The following SLC16A7 variants were observed in gnomAD, a reference collection of about 807,000 sequenced individuals.
SLC16A7 encodes solute carrier family 16 member 7.
In SLC16A7, 33 loss-of-function variants were observed where a neutral mutation model predicts 34.9. The ratio of observed to expected loss-of-function variants is 0.94; its 90% CI spans 0.72 to 1.26. The LOEUF is 1.26. SLC16A7 is among the 50% of genes most tolerant of loss of function. The probability of loss-of-function intolerance (pLI) is 0.00; values close to 1 mark genes in which losing one functional copy is unlikely to be tolerated. For synonymous variants in SLC16A7, 201 were observed against 206.6 expected, an observed-to-expected ratio of 0.97 and a Z score of 0.23; for missense variants, 573 against 578.1, an observed-to-expected ratio of 0.99 and a Z score of 0.09.
intron 2 of SLC16A7, among the ~76,000 whole-genome samples, chr12:59,681,259 T>G (rs1228774522): frequency 6.6e-6 from 1 of 152,236 alleles, no homozygotes; most frequent in Non-Finnish European, 1.5e-5. Flanking sequence ...GACAAGTGTA[T>G]GTACCATGTC....
chr12:59,703,796 T>C (rs749962038), intron 2 of SLC16A7, among the ~76,000 whole-genome samples: 2 of 152,130 alleles, frequency 1.3e-5, no homozygotes, highest in Non-Finnish European at 2.9e-5. Context: ...AGAAAAGTGG[T>C]AACTCTATGA....
intron 3 of SLC16A7, chr12:59,720,228 A>C: frequency 3.7e-6 from 2 of 538,042 alleles, no homozygotes; most frequent in Non-Finnish European, 6.5e-6. Flanking sequence ...TTATGTATTT[A>C]TAGTTGACTA....
At chr12:59,640,794 T>C (rs1190925573) in intron 1 of SLC16A7, among the ~76,000 whole-genome samples, 4 of 152,064 alleles carry the variant, frequency 2.6e-5, no homozygotes, top group Admixed American at 6.6e-5. Flanking sequence ...AAGAGTCTGA[T>C]ATTCTAAATG....
intron 2 of SLC16A7, among the ~76,000 whole-genome samples, chr12:59,701,558 AT>A (rs1395486806): frequency 1.3e-5 from 2 of 151,790 alleles, no homozygotes; most frequent in East Asian, 3.9e-4. Flanking sequence ...AGTTCAAATT[AT>A]TTTAATATAA....
At chr12:59,623,348 T>C (rs1352537140) in intron 1 of SLC16A7, among the ~76,000 whole-genome samples, 1 of 151,742 alleles carries the variant, frequency 6.6e-6, no homozygotes, top group Non-Finnish European at 1.5e-5. Context: ...GAGTTTTCTC[T>C]GCATTTAAAT....
At chr12:59,763,953 A>G (rs1248652413) in intron 3 of SLC16A7, 2 of 152,128 alleles carry the variant, frequency 1.3e-5, no homozygotes, top group Non-Finnish European at 2.9e-5. Flanking sequence ...CCCCTCTCCT[A>G]GGGCCTCTCT....
chr12:59,742,242 C>T (rs553923138), intron 3 of SLC16A7, among the ~76,000 whole-genome samples: 145 of 152,332 alleles, frequency 9.5e-4, no homozygotes, highest in Non-Finnish European at 1.9e-3. Flanking sequence ...CATTTTGTCT[C>T]TTAATGCTCA....
chr12:59,681,279 G>T (rs1280224027), intron 2 of SLC16A7, among the ~76,000 whole-genome samples: 1 of 152,156 alleles, frequency 6.6e-6, no homozygotes, highest in Admixed American at 6.5e-5. Flanking sequence ...CATCCATCTT[G>T]TTTATTGTTT....
chr12:59,767,530 C>T (rs1881786952), intron 3 of SLC16A7, among the ~76,000 whole-genome samples: 1 of 151,952 alleles, frequency 6.6e-6, no homozygotes, highest in South Asian at 2.1e-4. Context: ...AAATCTGTGG[C>T]CCTTAATAAT....
intron 2 of SLC16A7, among the ~76,000 whole-genome samples, chr12:59,686,611 T>C (rs1871182962): frequency 6.6e-6 from 1 of 152,060 alleles, no homozygotes; most frequent in Non-Finnish European, 1.5e-5. Flanking sequence ...AAAAGATCAT[T>C]TAGTTCCAGT....
At chr12:59,775,624 CT>C (rs1281316705) in intron 5 of SLC16A7, 149 bp downstream of exon 5, 2 of 628,724 alleles carry the variant, frequency 3.2e-6, no homozygotes, top group Non-Finnish European at 5.2e-6. Context: ...TTATTATAAA[CT>C]TTAAAATTTC....
chr12:59,701,446 G>T (rs1872866851), intron 2 of SLC16A7, among the ~76,000 whole-genome samples: 1 of 151,610 alleles, frequency 6.6e-6, no homozygotes, highest in African/African-American at 2.4e-5. Flanking sequence ...TAGAATTTTA[G>T]AAAATAGAAT....
intron 2 of SLC16A7, among the ~76,000 whole-genome samples, chr12:59,669,652 T>TCACACACACACACACACACACACACACA (rs144456899): frequency 1.3e-4 from 18 of 139,610 alleles, no homozygotes; most frequent in African/African-American, 4.3e-4. Context: ...CCATAGATAG[T>TCACACACACACACACACACACACACACA]CACACACACA....
At chr12:59,618,810 C>A (rs1331628421) in intron 1 of SLC16A7, among the ~76,000 whole-genome samples, 4 of 151,824 alleles carry the variant, frequency 2.6e-5, no homozygotes, top group Non-Finnish European at 4.4e-5. Context: ...CACTTTTTTT[C>A]TGAATTTTGT....
intron 3 of SLC16A7, among the ~76,000 whole-genome samples, chr12:59,737,410 C>T (rs1473587649): frequency 6.6e-6 from 1 of 152,144 alleles, no homozygotes; most frequent in Non-Finnish European, 1.5e-5. Flanking sequence ...GTGATTTTTG[C>T]TTAGTAATGG....
chr12:59,761,625 T>A (rs1036027281), intron 3 of SLC16A7, among the ~76,000 whole-genome samples: 1 of 152,132 alleles, frequency 6.6e-6, no homozygotes, highest in Non-Finnish European at 1.5e-5. Context: ...TAAAAATATG[T>A]ACCATGAGTA....
intron 1 of SLC16A7, among the ~76,000 whole-genome samples, chr12:59,647,435 C>T (rs1191414055): frequency 6.6e-6 from 1 of 152,156 alleles, no homozygotes; most frequent in Non-Finnish European, 1.5e-5. Flanking sequence ...GCTTCCCCTT[C>T]CACCATGATT....
At chr12:59,778,790 A>G (rs540715819) in intron 5 of SLC16A7, among the ~76,000 whole-genome samples, 1 of 152,156 alleles carries the variant, frequency 6.6e-6, no homozygotes, top group Non-Finnish European at 1.5e-5. Context: ...TCTGCAGAGT[A>G]GTTAAGAATG....
At chr12:59,716,937 G>C (rs1027732972) in intron 3 of SLC16A7, among the ~76,000 whole-genome samples, 7 of 152,164 alleles carry the variant, frequency 4.6e-5, no homozygotes, top group African/African-American at 1.4e-4. Flanking sequence ...AAATCGTATA[G>C]TAAGTTCAAA....
Sources: allele counts gnomAD v4.1 joint callset (sites outside exome capture counted in the v4.1 genomes callset), GRCh38; gene constraint gnomAD v4.1.1; transcripts MANE v1.5; gene names NCBI Gene and HGNC (gene_info 2026-07-23, HGNC 2026-07-21).